CAAP1: variants seen among roughly 807,000 people sequenced by gnomAD.
CAAP1 encodes the protein conserved anti-apoptotic protein.
CAAP1 carries 20 observed loss-of-function variants against 34.0 expected under a neutral mutation model. The observed-to-expected ratio is 0.59, with a 90% CI of 0.41 to 0.86. CAAP1 has a LOEUF of 0.86. CAAP1 is among the 40% of genes least tolerant of loss of function. The probability of loss-of-function intolerance (pLI) is 0.00; values close to 1 mark genes in which losing one functional copy is unlikely to be tolerated. For synonymous variants in CAAP1, 213 were observed against 166.7 expected (o/e 1.28, Z -2.14); for missense variants, 538 against 450.5 (o/e 1.19, Z -1.76).
intron 5 of CAAP1, among the ~76,000 whole-genome samples, chr9:26,844,464 A>G (rs1298670439): frequency 4.6e-5 from 7 of 152,252 alleles, no homozygotes; most frequent in East Asian, 3.8e-4. Flanking sequence ...CTGATTCTGA[A>G]TAAGAAACTA....
In CAAP1 at chr9:26,892,552, C is replaced by T; in HGVS notation, c.164G>A (p.Cys55Tyr). Residue 55 changes from cysteine to tyrosine, a missense_variant, in exon 1 of 6, where the codon TGT becomes TAT. Transcript: ENST00000333916. ...SAGGCGSVSC[C>Y]GNANFSGSVT... is the part of the protein sequence containing the mutation. ...ACTTCCACTAAAATTGGCGTTCCCA[C>T]AGCAGCTGACGCTCCCGCAGCCCCC... is the stretch of plus-strand genomic sequence containing the variant. 2.5e-6 allele frequency: 4 copies of T among 1,582,562 alleles called. No individual in the cohort carries two copies. The highest frequency in any genetic ancestry group is 3.4e-6 in the Non-Finnish European group (4 of 1,164,782).
intron 4 of CAAP1, among the ~76,000 whole-genome samples, chr9:26,881,537 C>T (rs114848801): frequency 0.021 from 3,133 of 152,250 alleles, 102 homozygotes; most frequent in African/African-American, 0.071. Flanking sequence ...CTCTTGCTGC[C>T]GCCATATAAG....
intron 5 of CAAP1, among the ~76,000 whole-genome samples, chr9:26,845,602 C>G (rs12335435): frequency 0.043 from 6,493 of 152,214 alleles, 471 homozygotes; most frequent in African/African-American, 0.15. Context: ...TCTGGAACTC[C>G]TGACCTCGTG....
intron 4 of CAAP1, among the ~76,000 whole-genome samples, chr9:26,879,727 G>A (rs1352488703): frequency 6.6e-6 from 1 of 152,198 alleles, no homozygotes; most frequent in Admixed American, 6.5e-5. Context: ...TTTCTCCCAT[G>A]CTGGATGCCC....
chr9:26,891,783 T>C (rs1823908600), intron 1 of CAAP1, among the ~76,000 whole-genome samples: 2 of 152,212 alleles, frequency 1.3e-5, no homozygotes, highest in South Asian at 2.1e-4. Flanking sequence ...AAAATACTAA[T>C]GGAGGGGCAA....
intron 4 of CAAP1, chr9:26,870,116 C>A (rs566970450): frequency 5.0e-6 from 1 of 200,532 alleles, no homozygotes; most frequent in East Asian, 1.9e-4. Context: ...CTCAAAGTTC[C>A]CCACAGGGAA....
intron 5 of CAAP1, among the ~76,000 whole-genome samples, chr9:26,854,582 T>C (rs1822825482): frequency 6.6e-6 from 1 of 152,194 alleles, no homozygotes; most frequent in African/African-American, 2.4e-5. Context: ...AGAGTCTGTG[T>C]ATTAAATATG....
chr9:26,847,391 C>G (rs1003434705), intron 5 of CAAP1, among the ~76,000 whole-genome samples: 3 of 150,848 alleles, frequency 2.0e-5, no homozygotes, highest in African/African-American at 7.3e-5. Context: ...ATTTTTTGTA[C>G]TTTTGGTAGA....
chr9:26,887,662 A>G (rs867503452), intron 1 of CAAP1, 149 bp from the exon 2 acceptor site: 28 of 574,850 alleles, frequency 4.9e-5, no homozygotes, highest in African/African-American at 3.9e-4. Flanking sequence ...ACCATAGGAG[A>G]GAATATCTGT....
intron 2 of CAAP1, 35 bp from the exon 3 acceptor site, chr9:26,886,223 T>C (rs764213895): frequency 1.9e-5 from 21 of 1,101,770 alleles, no homozygotes; most frequent in Non-Finnish European, 1.9e-5. Context: ...AATGCATTTA[T>C]GTAACACAGC....
intron 5 of CAAP1, among the ~76,000 whole-genome samples, chr9:26,848,479 G>A (rs1822668593): frequency 6.6e-6 from 1 of 151,956 alleles, no homozygotes; most frequent in South Asian, 2.1e-4. Context: ...TTACACCACT[G>A]CACTCCAGCC....
At chr9:26,857,246 C>T (rs1889901) in intron 5 of CAAP1, among the ~76,000 whole-genome samples, 127,552 of 152,252 alleles carry the variant, frequency 0.84, 53,581 homozygotes, top group South Asian at 0.94. Context: ...TGCACACATA[C>T]ACCTACACAT....
intron 4 of CAAP1, among the ~76,000 whole-genome samples, chr9:26,862,596 A>C (rs1252755140): frequency 6.6e-6 from 1 of 152,120 alleles, no homozygotes; most frequent in Admixed American, 6.5e-5. Context: ...TCTGTTAAGG[A>C]AAGTTGAATG....
chr9:26,891,586 T>C (rs929305391), intron 1 of CAAP1, among the ~76,000 whole-genome samples: 2 of 152,230 alleles, frequency 1.3e-5, no homozygotes, highest in Non-Finnish European at 2.9e-5. Flanking sequence ...CAAAAAAACC[T>C]GCACACCCAA....
chr9:26,854,520 A>G lies in CAAP1; in HGVS notation c.739+6546T>C, dbSNP rs546271121. Among the ~76,000 whole-genome samples, 51 of 152,324 alleles carry G rather than the reference A, an allele frequency of 3.3e-4. 1 individual carries two copies. The highest frequency in any genetic ancestry group is 1.2e-3 in the African/African-American group (48 of 41,568). ...TCTTCTTGTGGGTCCCTTAAATGAT[A>G]TATTTACAAAGTCTCACCTGAATAA... On this transcript the variant is annotated intron_variant, in intron 5 of 5. Coordinates refer to ENST00000333916, the MANE Select transcript of CAAP1 (RefSeq NM_024828.4).
At chr9:26,888,427 A>G (rs1305961095) in intron 1 of CAAP1, among the ~76,000 whole-genome samples, 1 of 152,172 alleles carries the variant, frequency 6.6e-6, no homozygotes, top group African/African-American at 2.4e-5. Flanking sequence ...CTATCACACT[A>G]TATTCACAAG....
At chr9:26,877,654 C>G (rs1268725191) in intron 4 of CAAP1, among the ~76,000 whole-genome samples, 1 of 152,026 alleles carries the variant, frequency 6.6e-6, no homozygotes, top group Non-Finnish European at 1.5e-5. Flanking sequence ...TGATCCTTTT[C>G]CTTCTTTGAT....
chr9:26,870,004 G>T, intron 4 of CAAP1: 10 of 800,574 alleles, frequency 1.2e-5, no homozygotes, highest in African/African-American at 3.8e-5. Context: ...AATAGATACA[G>T]TTTAAAAGTT....
intron 4 of CAAP1, among the ~76,000 whole-genome samples, chr9:26,883,128 G>A (rs912533021): frequency 6.6e-6 from 1 of 152,104 alleles, no homozygotes; most frequent in Non-Finnish European, 1.5e-5. Context: ...AAGACTTTGG[G>A]GGACTGTTGG....
Sources: allele counts gnomAD v4.1 joint callset (sites outside exome capture counted in the v4.1 genomes callset), GRCh38; gene constraint gnomAD v4.1.1; transcripts MANE v1.5; gene names NCBI Gene and HGNC (gene_info 2026-07-23, HGNC 2026-07-21).